The following PGGT1B variants were observed in gnomAD, a reference collection of about 807,000 sequenced individuals.
PGGT1B encodes geranylgeranyl transferase type-1 subunit beta.
In PGGT1B, 30 loss-of-function variants were observed where a neutral mutation model predicts 46.1. The observed-to-expected ratio is 0.65, with a 90% CI of 0.49 to 0.88. The LOEUF (loss-of-function observed/expected upper bound fraction) is 0.88, where lower values mean the gene tolerates loss of function less well. Ranked by LOEUF, PGGT1B falls within the 40% of genes least tolerant of loss-of-function variation. The probability of loss-of-function intolerance (pLI) is 0.00; values close to 1 mark genes in which losing one functional copy is unlikely to be tolerated. For synonymous variants in PGGT1B, 170 were observed against 160.0 expected, an observed-to-expected ratio of 1.06 and a Z score of -0.47; for missense variants, 376 against 455.9, an observed-to-expected ratio of 0.82 and a Z score of 1.60.
intron 5 of PGGT1B, among the ~76,000 whole-genome samples, chr5:115,234,530 A>G (rs1342303403): frequency 6.6e-6 from 1 of 152,056 alleles, no homozygotes; most frequent in Non-Finnish European, 1.5e-5. Flanking sequence ...GGAGAGAGCT[A>G]AGTGAAGGAA....
intron 1 of PGGT1B, among the ~76,000 whole-genome samples, chr5:115,253,758 A>T (rs1748199937): frequency 6.6e-6 from 1 of 152,050 alleles, no homozygotes; most frequent in African/African-American, 2.4e-5. Flanking sequence ...TTTGAGAAAT[A>T]TAAAACATTT....
At chr5:115,254,833 T>C (rs1356551066) in intron 1 of PGGT1B, among the ~76,000 whole-genome samples, 2 of 152,132 alleles carry the variant, frequency 1.3e-5, no homozygotes, top group South Asian at 2.1e-4. Flanking sequence ...ACATTTCTCA[T>C]ATATTATCTC....
intron 7 of PGGT1B, among the ~76,000 whole-genome samples, chr5:115,217,377 A>T (rs191220797): frequency 1.8e-3 from 233 of 132,858 alleles, no homozygotes; most frequent in African/African-American, 5.2e-3. Flanking sequence ...AATATTTTTT[A>T]AAAAAAGAGC....
intron 7 of PGGT1B, among the ~76,000 whole-genome samples, chr5:115,217,310 ACTCTTATGATAAG>A (rs149612575): frequency 0.07 from 10,621 of 151,716 alleles, 990 homozygotes; most frequent in East Asian, 0.5. Flanking sequence ...CCATATTTTA[ACTCTTATGATAAG>A]CTCTTGAGCT....
At chr5:115,218,536 T>C (rs1475658746) in intron 7 of PGGT1B, among the ~76,000 whole-genome samples, 1 of 149,384 alleles carries the variant, frequency 6.7e-6, no homozygotes, top group African/African-American at 2.4e-5. Flanking sequence ...TAATATTTTA[T>C]TGGAAAGGCT....
intron 2 of PGGT1B, among the ~76,000 whole-genome samples, chr5:115,247,062 C>G (rs1200956186): frequency 6.6e-6 from 1 of 152,034 alleles, no homozygotes; most frequent in South Asian, 2.1e-4. Context: ...CATTTATTTG[C>G]ACGTTTGTAC....
intron 5 of PGGT1B, 73 bp downstream of exon 5, chr5:115,236,317 A>T: frequency 9.0e-7 from 1 of 1,108,388 alleles, no homozygotes; most frequent in Non-Finnish European, 1.3e-6. Flanking sequence ...AAGAGATGAG[A>T]CATACACTAT....
At chr5:115,261,113 A>G (rs1424543022) in intron 1 of PGGT1B, among the ~76,000 whole-genome samples, 1 of 152,236 alleles carries the variant, frequency 6.6e-6, no homozygotes, top group Non-Finnish European at 1.5e-5. Context: ...AAGACTTTTT[A>G]TCTAAAAGCT....
rs977553330 is a variant in PGGT1B at position 115,205,605 on chromosome 5, G to A, written c.*6797C>T. On this transcript the variant is annotated 3_prime_UTR_variant, in exon 9 of 9. Transcript: ENST00000419445. Reference sequence around the variant, plus strand: ...TCTTGTGTGAGTTAATTCATATTTGGAATTCAGATTTATAATTCGTAAATG... The same window carrying A: ...TCTTGTGTGAGTTAATTCATATTTGAAATTCAGATTTATAATTCGTAAATG... 3.9e-5 allele frequency: 6 copies of A among 152,050 alleles called. No individual in the cohort carries two copies. Among genetic ancestry groups the A allele is most frequent in the Non-Finnish European group, 8.8e-5 (6 of 67,964 alleles). 9.4% of individuals were successfully genotyped at this position (152,050 alleles called of 1,614,324 possible).
At chr5:115,253,398 T>C in intron 1 of PGGT1B, 143 bp from the exon 2 acceptor site, 1 of 576,838 alleles carries the variant, frequency 1.7e-6, no homozygotes, top group South Asian at 2.5e-5. Flanking sequence ...AAAAAATATA[T>C]ATATACATAT....
In PGGT1B at chr5:115,212,361, G is replaced by T. The variant is rs761307269; in HGVS notation, c.*41C>A. ...ACATGGCTTTTAAACTTGAGCTACA[G>T]TTATGCTACAAATCCCCCCACCCTC... On this transcript the variant is annotated 3_prime_UTR_variant, in exon 9 of 9. Coordinates refer to ENST00000419445, the MANE Select transcript of PGGT1B (RefSeq NM_005023.4). 3 of 1,607,632 alleles carry T rather than the reference G, an allele frequency of 1.9e-6. No homozygotes were observed. In the South Asian group the frequency reaches 3.3e-5, roughly 18 times the overall value.
chr5:115,262,045 C>T (rs1254556189), intron 1 of PGGT1B, among the ~76,000 whole-genome samples: 1 of 152,238 alleles, frequency 6.6e-6, no homozygotes, highest in African/African-American at 2.4e-5. Flanking sequence ...CAGTCTCAAG[C>T]AGCTTTTGAG....
intron 2 of PGGT1B, among the ~76,000 whole-genome samples, chr5:115,248,588 T>G (rs187251569): frequency 1.3e-4 from 20 of 152,340 alleles, no homozygotes; most frequent in African/African-American, 4.6e-4. Context: ...ATACACTTAT[T>G]ACTAGGAAAC....
chr5:115,237,225 C>CA (rs1212435465), intron 4 of PGGT1B, among the ~76,000 whole-genome samples: 30 of 152,246 alleles, frequency 2.0e-4, no homozygotes, highest in Admixed American at 9.8e-4. Flanking sequence ...GACGGGAAAA[C>CA]AGAGCTATTA....
chr5:115,242,582 T>C lies in PGGT1B; in HGVS notation c.260-976A>G, dbSNP rs534334198. On this transcript the variant is annotated intron_variant, in intron 2 of 8. Coordinates refer to ENST00000419445, the MANE Select transcript of PGGT1B (RefSeq NM_005023.4). The stretch of plus-strand genomic sequence containing the variant: ...CCAAAAAACTTAAAATAGTAGCTTA[T>C]ACATTAATTCTTTGAACAAATTAGG... 3.9e-5 allele frequency among the ~76,000 whole-genome samples: 6 copies of C among 152,350 alleles called. No homozygotes were observed. The South Asian group carries it at 1.2e-3, about 32-fold the overall frequency.
At chr5:115,253,521 C>A (rs539452580) in intron 1 of PGGT1B, among the ~76,000 whole-genome samples, 2 of 151,910 alleles carry the variant, frequency 1.3e-5, no homozygotes, top group African/African-American at 4.8e-5. Context: ...CCCACTGAAG[C>A]CAGAATATCA....
chr5:115,259,575 G>C (rs1403216720), intron 1 of PGGT1B, among the ~76,000 whole-genome samples: 4 of 151,032 alleles, frequency 2.6e-5, no homozygotes, highest in African/African-American at 9.8e-5. Flanking sequence ...TGTAGTCCCA[G>C]CTACTTGAGA....
chr5:115,223,404 C>A (rs1561472719), intron 6 of PGGT1B, among the ~76,000 whole-genome samples: 1 of 151,882 alleles, frequency 6.6e-6, no homozygotes, highest in African/African-American at 2.4e-5. Flanking sequence ...TCACAAGTGC[C>A]ATTATAAGAG....
At chr5:115,246,161 G>C (rs1040993355) in intron 2 of PGGT1B, among the ~76,000 whole-genome samples, 1 of 152,034 alleles carries the variant, frequency 6.6e-6, no homozygotes, top group Non-Finnish European at 1.5e-5. Flanking sequence ...AGACCAGCCT[G>C]ACCAACATGG....
Sources: gnomAD v4.1 joint callset for allele counts (sites outside exome capture counted in the v4.1 genomes callset) on GRCh38, gnomAD v4.1.1 for gene constraint, MANE v1.5 for transcripts, NCBI Gene and HGNC (gene_info 2026-07-23, HGNC 2026-07-21) for gene names.